KCNQ5: variants seen among roughly 807,000 people sequenced by gnomAD.
KCNQ5 encodes potassium voltage-gated channel subfamily KQT member 5.
In KCNQ5, 30 loss-of-function variants were observed where a neutral mutation model predicts 98.2. The ratio of observed to expected loss-of-function variants is 0.31; its 90% CI spans 0.23 to 0.41. The LOEUF (loss-of-function observed/expected upper bound fraction) is 0.41, where lower values mean the gene tolerates loss of function less well. Among genes scored for constraint, KCNQ5 ranks in the 10% least tolerant of loss-of-function variants. The pLI, the probability that KCNQ5 is intolerant of heterozygous loss-of-function variation, is 1.00. For synonymous variants in KCNQ5, 458 were observed against 449.4 expected (o/e 1.02, Z -0.24); for missense variants, 835 against 1,182.5 (o/e 0.71, Z 4.31).
chr6:73,164,726 A>G (rs1777730294), intron 10 of KCNQ5, among the ~76,000 whole-genome samples: 1 of 147,914 alleles, frequency 6.8e-6, no homozygotes, highest in African/African-American at 2.7e-5. Flanking sequence ...AGGACTCTAT[A>G]TTTTATGCTA....
chr6:72,859,403 A>G (rs1777667994), intron 1 of KCNQ5, among the ~76,000 whole-genome samples: 1 of 147,304 alleles, frequency 6.8e-6, no homozygotes, highest in Non-Finnish European at 1.5e-5. Context: ...CAAATAATGT[A>G]CCCTTGTTTT....
intron 3 of KCNQ5, chr6:73,055,682 G>A: frequency 8.8e-7 from 1 of 1,135,800 alleles, no homozygotes; most frequent in Non-Finnish European, 1.3e-6. Flanking sequence ...GCATCTGAAG[G>A]GTCTCTCTGA....
At chr6:72,806,733 G>C in intron 1 of KCNQ5, 1 of 399,474 alleles carries the variant, frequency 2.5e-6, no homozygotes, top group Non-Finnish European at 4.8e-6. Flanking sequence ...GATTTGGCTT[G>C]TAACTGCAGT....
intron 1 of KCNQ5, among the ~76,000 whole-genome samples, chr6:72,877,001 C>T (rs186176286): frequency 3.3e-5 from 5 of 152,294 alleles, no homozygotes; most frequent in Non-Finnish European, 7.4e-5. Context: ...AATGGTTTTT[C>T]ATGGTCTGTC....
intron 1 of KCNQ5, among the ~76,000 whole-genome samples, chr6:72,846,938 A>T (rs114196851): frequency 6.6e-6 from 1 of 152,132 alleles, no homozygotes; most frequent in Non-Finnish European, 1.5e-5. Context: ...TAAGTTATTT[A>T]AAAAGACCCC....
chr6:72,795,459 T>G (rs1774279443), intron 1 of KCNQ5, among the ~76,000 whole-genome samples: 1 of 152,216 alleles, frequency 6.6e-6, no homozygotes, highest in Non-Finnish European at 1.5e-5. Flanking sequence ...TACATATCCC[T>G]CTTGAGATGC....
intron 1 of KCNQ5, chr6:72,806,909 T>G (rs767625149): frequency 2.6e-6 from 1 of 389,824 alleles, no homozygotes; most frequent in South Asian, 1.9e-5. Context: ...CTTTACAGTT[T>G]GAAAAACTTC....
At chr6:72,712,898 T>C (rs573650270) in intron 1 of KCNQ5, among the ~76,000 whole-genome samples, 5 of 152,264 alleles carry the variant, frequency 3.3e-5, no homozygotes, top group Admixed American at 6.5e-5. Flanking sequence ...CTTCTAAAAA[T>C]AGATGTTTAT....
At chr6:72,784,345 G>C (rs971607002) in intron 1 of KCNQ5, among the ~76,000 whole-genome samples, 7 of 152,160 alleles carry the variant, frequency 4.6e-5, no homozygotes, top group Admixed American at 1.3e-4. Flanking sequence ...AGAAGAGAGA[G>C]AGCAGAGAGA....
intron 1 of KCNQ5, among the ~76,000 whole-genome samples, chr6:73,001,590 C>G (rs1391670542): frequency 6.6e-6 from 1 of 152,090 alleles, no homozygotes; most frequent in Non-Finnish European, 1.5e-5. Context: ...CAAGTGTTTT[C>G]TGGGAAACCT....
At position 72,762,079 on chromosome 6, in the gene KCNQ5, G is replaced by A. The variant is rs1772313937; in HGVS notation, c.398+139492G>A. Among the ~76,000 whole-genome samples, 4 of 152,122 alleles carry A rather than the reference G, an allele frequency of 2.6e-5. No individual in the cohort carries two copies. The South Asian group carries it at 8.3e-4, about 32-fold the overall frequency. ...TCCAGGAGACATTTTCCTTCTCTGA[G>A]CCCCACTTGCAAGAGACATTCGCTA... On this transcript the variant is annotated intron_variant, in intron 1 of 13. Coordinates refer to ENST00000370398, the MANE Select transcript of KCNQ5 (RefSeq NM_019842.4).
intron 10 of KCNQ5, among the ~76,000 whole-genome samples, chr6:73,167,302 C>T (rs1418130752): frequency 1.3e-5 from 2 of 152,208 alleles, no homozygotes; most frequent in Non-Finnish European, 2.9e-5. Context: ...CTGTACACAT[C>T]AGGCAACACA....
rs542750620 is a variant in KCNQ5 at position 72,897,255 on chromosome 6, G to T, written c.399-106653G>T. On this transcript the variant is annotated intron_variant, in intron 1 of 13. Transcript: ENST00000370398. ...AAAAAAAATTTATTAAAAAATGAGGGTCTAGCAGGGCAAGGTGGCTTACGT... is the reference window on the plus strand; with the variant it reads ...AAAAAAAATTTATTAAAAAATGAGGTTCTAGCAGGGCAAGGTGGCTTACGT... 1.1e-4 allele frequency among the ~76,000 whole-genome samples: 16 copies of T among 152,070 alleles called. No homozygotes were observed. The South Asian group carries it at 3.3e-3, about 32-fold the overall frequency.
At chr6:73,152,353 T>C (rs1407906425) in intron 10 of KCNQ5, among the ~76,000 whole-genome samples, 1 of 152,158 alleles carries the variant, frequency 6.6e-6, no homozygotes, top group African/African-American at 2.4e-5. Flanking sequence ...ATTTTCTACC[T>C]CTTTGTCTTT....
intron 1 of KCNQ5, among the ~76,000 whole-genome samples, chr6:72,941,529 T>C (rs867188000): frequency 4.7e-5 from 5 of 106,016 alleles, no homozygotes; most frequent in African/African-American, 1.4e-4. Context: ...CCTTCCTTCC[T>C]CCTTCCCTCC....
chr6:72,898,738 A>G (rs1779356033), intron 1 of KCNQ5, among the ~76,000 whole-genome samples: 1 of 152,200 alleles, frequency 6.6e-6, no homozygotes, highest in South Asian at 2.1e-4. Flanking sequence ...TAGATCCTTG[A>G]GGAATTGCCA....
At chr6:73,049,491 GC>G (rs1772116356) in intron 3 of KCNQ5, among the ~76,000 whole-genome samples, 1 of 152,168 alleles carries the variant, frequency 6.6e-6, no homozygotes, top group African/African-American at 2.4e-5. Context: ...CAGCAGTAAA[GC>G]TAGGAATAGC....
intron 11 of KCNQ5, among the ~76,000 whole-genome samples, chr6:73,181,935 C>G (rs1381924894): frequency 6.6e-6 from 1 of 152,214 alleles, no homozygotes; most frequent in Non-Finnish European, 1.5e-5. Flanking sequence ...TCATTTTAAT[C>G]ATTAAATGTA....
At chr6:73,155,658 A>G (rs1582457400) in intron 10 of KCNQ5, among the ~76,000 whole-genome samples, 1 of 152,330 alleles carries the variant, frequency 6.6e-6, no homozygotes, top group South Asian at 2.1e-4. Flanking sequence ...TTAAACATCA[A>G]TTGATGTACA....
Sources: gnomAD v4.1 joint callset for allele counts (sites outside exome capture counted in the v4.1 genomes callset) on GRCh38, gnomAD v4.1.1 for gene constraint, MANE v1.5 for transcripts, NCBI Gene and HGNC (gene_info 2026-07-23, HGNC 2026-07-21) for gene names.